SCAPER: variants seen among roughly 807,000 people sequenced by gnomAD.
SCAPER encodes S-phase cyclin A associated protein in the ER.
In SCAPER, 98 loss-of-function variants were observed where a neutral mutation model predicts 182.2. The ratio of observed to expected loss-of-function variants is 0.54; its 90% confidence interval spans 0.46 to 0.64. The LOEUF (loss-of-function observed/expected upper bound fraction) is 0.64, where lower values mean the gene tolerates loss of function less well. Among genes scored for constraint, SCAPER ranks in the 30% least tolerant of loss-of-function variants. SCAPER has a pLI of 0.00. For missense variants in SCAPER, 1,432 were observed against 1,690.0 expected, an observed-to-expected ratio of 0.85 and a Z score of 2.68; for synonymous variants, 605 against 564.6, an observed-to-expected ratio of 1.07 and a Z score of -1.01.
chr15:76,448,803 G>A (rs941560256), intron 25 of SCAPER, among the ~76,000 whole-genome samples: 7 of 152,074 alleles, frequency 4.6e-5, no homozygotes, highest in African/African-American at 1.2e-4. Context: ...AGAAAAAACC[G>A]AACTGAGTGG....
intron 9 of SCAPER, among the ~76,000 whole-genome samples, chr15:76,773,430 C>T (rs1598640879): frequency 6.6e-6 from 1 of 151,982 alleles, no homozygotes; most frequent in East Asian, 1.9e-4. Flanking sequence ...ATATTTTTAG[C>T]TGAACACAGC....
intron 14 of SCAPER, among the ~76,000 whole-genome samples, chr15:76,756,375 G>C (rs1044785611): frequency 1.3e-5 from 2 of 151,686 alleles, no homozygotes; most frequent in African/African-American, 4.8e-5. Context: ...CCAGGAATTT[G>C]AGACCAGTCT....
At chr15:76,403,932 G>A (rs2044642781) in intron 27 of SCAPER, among the ~76,000 whole-genome samples, 1 of 152,122 alleles carries the variant, frequency 6.6e-6, no homozygotes, top group Non-Finnish European at 1.5e-5. Context: ...GGATGGAGTA[G>A]GATGGGGTAG....
At chr15:76,698,262 C>T (rs2058754584) in intron 20 of SCAPER, among the ~76,000 whole-genome samples, 1 of 151,890 alleles carries the variant, frequency 6.6e-6, no homozygotes, top group Non-Finnish European at 1.5e-5. Context: ...GTTCTACTCC[C>T]ATGATACCTT....
chr15:76,676,092 C>G (rs184821078), intron 20 of SCAPER, among the ~76,000 whole-genome samples: 1 of 152,074 alleles, frequency 6.6e-6, no homozygotes, highest in Non-Finnish European at 1.5e-5. Flanking sequence ...TCCAAAGTGC[C>G]GAGATTACAG....
At chr15:76,499,484 T>A (rs1324074977) in intron 24 of SCAPER, among the ~76,000 whole-genome samples, 1 of 152,232 alleles carries the variant, frequency 6.6e-6, no homozygotes, top group Non-Finnish European at 1.5e-5. Context: ...GCCCTTTTAC[T>A]GCTTTGCTTT....
chr15:76,880,992 T>C (rs923875507), intron 2 of SCAPER, among the ~76,000 whole-genome samples: 3 of 152,220 alleles, frequency 2.0e-5, no homozygotes, highest in African/African-American at 4.8e-5. Context: ...GAAAACACTA[T>C]GACAGTTCCT....
At chr15:76,747,536 C>T (rs2061859421) in intron 15 of SCAPER, among the ~76,000 whole-genome samples, 1 of 151,868 alleles carries the variant, frequency 6.6e-6, no homozygotes, top group Non-Finnish European at 1.5e-5. Flanking sequence ...ATATGTGAAA[C>T]ACTAATTGCC....
At chr15:76,644,231 T>C (rs892727349) in intron 21 of SCAPER, among the ~76,000 whole-genome samples, 2 of 152,120 alleles carry the variant, frequency 1.3e-5, no homozygotes, top group Non-Finnish European at 2.9e-5. Flanking sequence ...ACAGATTGAA[T>C]ACAGAAGCAG....
intron 1 of SCAPER, among the ~76,000 whole-genome samples, chr15:76,897,131 CAAAG>C (rs2074482540): frequency 6.6e-6 from 1 of 151,958 alleles, no homozygotes; most frequent in African/African-American, 2.4e-5. Context: ...TTTTCAAAAT[CAAAG>C]AAAGTAAATG....
intron 23 of SCAPER, among the ~76,000 whole-genome samples, chr15:76,566,153 C>T (rs538278180): frequency 3.7e-4 from 57 of 152,182 alleles, no homozygotes; most frequent in Non-Finnish European, 7.7e-4. Flanking sequence ...TGAGCCTAGG[C>T]ATGTGTTACA....
chr15:76,581,347 C>T (rs749015195), intron 22 of SCAPER, among the ~76,000 whole-genome samples: 1 of 152,108 alleles, frequency 6.6e-6, no homozygotes, highest in Non-Finnish European at 1.5e-5. Context: ...CAAAACCAGA[C>T]AAAGCACAAA....
chr15:76,471,189 C>T (rs1217270384), intron 25 of SCAPER, 23 bp downstream of exon 25: 3 of 1,554,984 alleles, frequency 1.9e-6, no homozygotes, highest in Admixed American at 1.9e-5. Flanking sequence ...CTGCTTCTAA[C>T]TCAAAGCAAT....
In SCAPER at chr15:76,527,933, T is replaced by C. The variant is rs576355089; in HGVS notation, c.2839-22959A>G. 2.0e-5 allele frequency among the ~76,000 whole-genome samples: 3 copies of C among 152,332 alleles called. No individual in the cohort carries two copies. In the East Asian group the frequency reaches 5.8e-4, roughly 29 times the overall value. ...ACTTTCCCCAACTATCTGGAAACCT[T>C]GTCTTTCCCATTGGCTTACATAACA... On this transcript the variant is annotated intron_variant, in intron 23 of 31. Coordinates refer to ENST00000563290, the MANE Select transcript of SCAPER (RefSeq NM_020843.4).
chr15:76,629,453 A>G (rs2052897346), intron 21 of SCAPER, among the ~76,000 whole-genome samples: 1 of 152,140 alleles, frequency 6.6e-6, no homozygotes, highest in Non-Finnish European at 1.5e-5. Context: ...GAGTTTATTG[A>G]GAGTTTTTGA....
intron 20 of SCAPER, among the ~76,000 whole-genome samples, chr15:76,688,843 CTTTTTTTTTTTT>C (rs71143353): frequency 1.1e-5 from 1 of 92,368 alleles, no homozygotes; most frequent in Non-Finnish European, 2.1e-5. Context: ...AAATGCCTCT[CTTTTTTTTTTTT>C]TTTTTTTTTT....
At chr15:76,670,290 TC>T (rs751011191) in intron 20 of SCAPER, among the ~76,000 whole-genome samples, 16 of 152,048 alleles carry the variant, frequency 1.1e-4, no homozygotes, top group Non-Finnish European at 2.1e-4. Context: ...AAATAGGTTC[TC>T]CCATTTATGA....
intron 24 of SCAPER, among the ~76,000 whole-genome samples, chr15:76,486,931 G>A (rs2143118778): frequency 6.6e-6 from 1 of 152,200 alleles, no homozygotes; most frequent in African/African-American, 2.4e-5. Flanking sequence ...ACAAAGACAT[G>A]GAATCAACCT....
At chr15:76,526,349 C>G (rs988271665) in intron 23 of SCAPER, among the ~76,000 whole-genome samples, 1 of 152,112 alleles carries the variant, frequency 6.6e-6, no homozygotes, top group Non-Finnish European at 1.5e-5. Flanking sequence ...AAGTTTGCTA[C>G]CAGTCTAACT....
Sources: gnomAD v4.1 joint callset for allele counts (sites outside exome capture counted in the v4.1 genomes callset) on GRCh38, gnomAD v4.1.1 for gene constraint, MANE v1.5 for transcripts, NCBI Gene and HGNC (gene_info 2026-07-23, HGNC 2026-07-21) for gene names.